MYH15: variants seen among roughly 807,000 people sequenced by gnomAD.
MYH15 encodes the protein myosin-15.
In MYH15, 227 loss-of-function variants were observed where a neutral mutation model predicts 240.5. The observed-to-expected ratio is 0.94, with a 90% confidence interval of 0.85 to 1.05. The LOEUF (loss-of-function observed/expected upper bound fraction) is 1.05, where lower values mean the gene tolerates loss of function less well. Ranked by LOEUF, MYH15 falls within the 50% of genes least tolerant of loss-of-function variation. The pLI, the probability that MYH15 is intolerant of heterozygous loss-of-function variation, is 0.00. For synonymous variants in MYH15, 785 were observed against 796.7 expected, an observed-to-expected ratio of 0.99 and a Z score of 0.25; for missense variants, 2,217 against 2,247.5, an observed-to-expected ratio of 0.99 and a Z score of 0.27.
In MYH15 at chr3:108,496,279, T is replaced by C. The variant is rs539301399; in HGVS notation, c.619-407A>G. The stretch of plus-strand genomic sequence containing the variant: ...CACTTGGAAATTTATCCTAGGATAA[T>C]ACAACAGACTCTTGGTGTTATTAAA... On this transcript the variant is annotated intron_variant, in intron 6 of 40. Transcript: ENST00000693548. Among the ~76,000 whole-genome samples, 3 of 152,372 alleles carry C rather than the reference T, an allele frequency of 2.0e-5. No individual in the cohort carries two copies. The East Asian group carries it at 5.8e-4, about 29-fold the overall frequency.
intron 1 of MYH15, among the ~76,000 whole-genome samples, chr3:108,521,022 A>T (rs2688256): frequency 2.6e-5 from 4 of 152,006 alleles, no homozygotes; most frequent in African/African-American, 9.7e-5. Context: ...TTTTGGGAGA[A>T]AAGATTTGAG....
chr3:108,474,771 A>G (rs544059817), intron 12 of MYH15, among the ~76,000 whole-genome samples: 1 of 152,230 alleles, frequency 6.6e-6, no homozygotes, highest in Admixed American at 6.5e-5. Context: ...CTGCTGAACA[A>G]CTCTAACCCC....
Position 108,381,202 on chromosome 3 carries a change from G to A in MYH15, c.*343C>T, listed in dbSNP as rs1388979167. The A allele has an allele frequency of 3.0e-6, 1 of 338,326 alleles. No individual in the cohort carries two copies. Among genetic ancestry groups the A allele is most frequent in the African/African-American group, 2.1e-5 (1 of 47,112 alleles). The allele number at this position is 338,326 out of a possible 1,614,324, so 21.0% of individuals were successfully genotyped here. ...TCCCCATGAAGCGTGACTGGTCTAA[G>A]GACATCTTCTATGAGTCCTACCCAT... On this transcript the variant is annotated 3_prime_UTR_variant, in exon 41 of 41. Transcript: ENST00000693548.
chr3:108,436,753 G>C (rs969596736), intron 25 of MYH15, among the ~76,000 whole-genome samples: 1 of 152,092 alleles, frequency 6.6e-6, no homozygotes, highest in African/African-American at 2.4e-5. Context: ...TGCCCAGGAT[G>C]GTCTCAATCT....
rs1221593372 is a variant in MYH15 at position 108,414,286 on chromosome 3, C to A, written c.4091G>T (p.Arg1364Ile). 1.2e-6 allele frequency: 2 copies of A among 1,614,072 alleles called. No homozygotes were observed. The highest frequency in any genetic ancestry group is 2.7e-5 in the African/African-American group (2 of 74,936). The change falls in exon 30 of 41, where the codon AGA (arginine) becomes ATA (isoleucine). Residue 1364 changes from arginine (R) to isoleucine (I), a missense_variant. Coordinates refer to ENST00000693548, the MANE Select transcript of MYH15 (RefSeq NM_014981.3). Reference protein sequence around the residue: ...SKVNAEMVQWRMKYENNVIQR... With the variant: ...SKVNAEMVQWIMKYENNVIQR... The stretch of plus-strand genomic sequence containing the variant: ...GATGACATTGTTTTCATACTTCATT[C>A]TCCATTGCACCATTTCAGCATTGAC...
At chr3:108,455,891 T>A in intron 19 of MYH15, 32 bp from the exon 20 acceptor site, 1 of 1,586,720 alleles carries the variant, frequency 6.3e-7, no homozygotes, top group Non-Finnish European at 8.6e-7. Flanking sequence ...ATCATGAGTT[T>A]GGGAAATCAT....
chr3:108,438,567 C>A (rs2082860385), intron 24 of MYH15, among the ~76,000 whole-genome samples: 2 of 152,136 alleles, frequency 1.3e-5, no homozygotes, highest in Middle Eastern at 3.4e-3. Context: ...GAGGTGGGCC[C>A]TTTAGGAAGT....
At chr3:108,454,984 T>TCAGCAGAAACAATAAA (rs1471779009) in intron 20 of MYH15, among the ~76,000 whole-genome samples, 7 of 152,076 alleles carry the variant, frequency 4.6e-5, no homozygotes, top group Non-Finnish European at 1.0e-4. Context: ...TCAGTGAAAA[T>TCAGCAGAAACAATAAA]CAGCAGAAAC....
chr3:108,388,530 C>T (rs891923628), intron 38 of MYH15, among the ~76,000 whole-genome samples: 1 of 152,106 alleles, frequency 6.6e-6, no homozygotes, highest in Non-Finnish European at 1.5e-5. Flanking sequence ...AGTGTTTGCG[C>T]AACCAGAAAA....
chr3:108,451,206 C>T (rs1333860954), intron 21 of MYH15, among the ~76,000 whole-genome samples: 1 of 152,072 alleles, frequency 6.6e-6, no homozygotes, highest in African/African-American at 2.4e-5. Flanking sequence ...ATGGTGAAAC[C>T]TTATCTCTAC....
chr3:108,482,295 C>T (rs977054924), intron 11 of MYH15, among the ~76,000 whole-genome samples: 3 of 151,612 alleles, frequency 2.0e-5, no homozygotes, highest in African/African-American at 7.3e-5. Flanking sequence ...GAGATGGGCA[C>T]CAAAGAAATG....
chr3:108,418,387 A>T (rs1162594682), intron 28 of MYH15, among the ~76,000 whole-genome samples: 1 of 152,246 alleles, frequency 6.6e-6, no homozygotes, highest in Non-Finnish European at 1.5e-5. Context: ...CCGTGAGTAC[A>T]TATTAGCGAA....
At position 108,526,792 on chromosome 3, in the gene MYH15, C is replaced by T. The variant is rs781137404; in HGVS notation, c.-58+2471G>A. On this transcript the variant is annotated intron_variant, in intron 1 of 41. Transcript: ENST00000273353. ...GATCGATGTTGCAAGCCTTATTAAG[C>T]CTTGACTTTAATGAACATGAGTCTT... Among the ~76,000 whole-genome samples the T allele has an allele frequency of 1.4e-4, 21 of 152,122 alleles. 1 individual carries two copies. The highest frequency in any genetic ancestry group is 4.4e-5 in the Non-Finnish European group (3 of 68,028).
At chr3:108,493,515 G>T (rs905069935) in intron 7 of MYH15, among the ~76,000 whole-genome samples, 1 of 152,146 alleles carries the variant, frequency 6.6e-6, no homozygotes, top group East Asian at 1.9e-4. Context: ...CTTATCTAAA[G>T]ATGAGAAAAA....
At chr3:108,484,248 A>ATC (rs1362645057) in intron 11 of MYH15, among the ~76,000 whole-genome samples, 15 of 152,176 alleles carry the variant, frequency 9.9e-5, no homozygotes, top group Admixed American at 8.5e-4. Context: ...ATTTATTTTA[A>ATC]TGATCATTCT....
the MYH15 span, among the ~76,000 whole-genome samples, chr3:108,546,264 T>C: frequency 2.0e-5 from 3 of 152,208 alleles, no homozygotes; most frequent in Non-Finnish European, 2.9e-5. Flanking sequence ...TGAACAGTGC[T>C]GTCTTTTGCT....
chr3:108,442,977 A>C (rs1053763652), intron 22 of MYH15, among the ~76,000 whole-genome samples: 19 of 152,108 alleles, frequency 1.2e-4, no homozygotes, highest in African/African-American at 4.6e-4. Context: ...TTTGACATGC[A>C]TATCAAGCTT....
upstream of MYH15, chr3:108,529,351 G>A (rs2083696979): frequency 5.1e-6 from 6 of 1,178,082 alleles, no homozygotes; most frequent in Admixed American, 9.7e-5. Flanking sequence ...ATGAGAGAAT[G>A]ATAGCCAGGA....
chr3:108,465,745 G>A (rs971559655), intron 14 of MYH15, among the ~76,000 whole-genome samples: 1 of 152,024 alleles, frequency 6.6e-6, no homozygotes, highest in African/African-American at 2.4e-5. Flanking sequence ...TGGCCAACAC[G>A]GTAAAATCCT....
Sources: gnomAD v4.1 joint callset for allele counts (sites outside exome capture counted in the v4.1 genomes callset) on GRCh38, gnomAD v4.1.1 for gene constraint, MANE v1.5 for transcripts, NCBI Gene and HGNC (gene_info 2026-07-23, HGNC 2026-07-21) for gene names.